ADCY8: variants seen among roughly 807,000 people sequenced by gnomAD.
ADCY8 encodes adenylate cyclase type 8.
A neutral mutation model predicts 119.7 loss-of-function variants in ADCY8; 51 were observed. That is an observed-to-expected ratio of 0.43 (90% CI 0.34 to 0.54). ADCY8 has a LOEUF of 0.54. Among genes scored for constraint, ADCY8 ranks in the 20% least tolerant of loss-of-function variants. The pLI is 0.03. For missense variants in ADCY8, 1,383 were observed against 1,598.8 expected, an observed-to-expected ratio of 0.87 and a Z score of 2.30; for synonymous variants, 665 against 651.0, an observed-to-expected ratio of 1.02 and a Z score of -0.33.
Position 130,847,356 on chromosome 8 carries a change from G to A in ADCY8, c.2502+68C>T, listed in dbSNP as rs572567016. 1,379 of 1,209,050 alleles carry A rather than the reference G, an allele frequency of 1.1e-3. 17 individuals carry two copies. The South Asian group carries it at 0.017, about 15-fold the overall frequency. 74.9% of individuals were successfully genotyped at this position (1,209,050 alleles called of 1,614,324 possible). A position where few individuals can be genotyped will look rare whatever the true frequency, so the allele number is the denominator to read the frequency against. On this transcript the variant is annotated intron_variant, in intron 11 of 17. Transcript: ENST00000286355. Reference sequence around the variant, plus strand: ...TTTCTATGGCCCTTCAGCCAGTCTTGTTTATTTGGAGCTGGTAGAGATATA... The same window carrying A: ...TTTCTATGGCCCTTCAGCCAGTCTTATTTATTTGGAGCTGGTAGAGATATA...
intron 13 of ADCY8, among the ~76,000 whole-genome samples, chr8:130,814,857 G>T (rs1422487771): frequency 6.6e-6 from 1 of 152,162 alleles, no homozygotes; most frequent in African/African-American, 2.4e-5. Context: ...TGAGATTTGG[G>T]TGGGAACACA....
At chr8:130,871,868 G>A (rs958562015) in intron 8 of ADCY8, among the ~76,000 whole-genome samples, 3 of 152,082 alleles carry the variant, frequency 2.0e-5, no homozygotes, top group African/African-American at 7.2e-5. Flanking sequence ...GGATCCTTAG[G>A]AAAAGTGTTC....
At position 131,039,854 on chromosome 8, in the gene ADCY8, G is replaced by A. The variant is rs1223490380; in HGVS notation, c.480C>T (p.Ser160=). ...GGCGTTCCAAATCCCGAGATTTGAAGGAGTTGCGCAGGGTGGGGAAAATGA... is the reference window on the plus strand; with the variant it reads ...GGCGTTCCAAATCCCGAGATTTGAAAGAGTTGCGCAGGGTGGGGAAAATGA... The part of the protein sequence containing the change: ...RGVIFPTLRN[S]FKSRDLERLY... The change falls in exon 1 of 18, where the codon TCC becomes TCT. Residue 160 remains serine (S), a synonymous_variant. Coordinates refer to ENST00000286355, the MANE Select transcript of ADCY8 (RefSeq NM_001115.3). 2.5e-6 allele frequency: 4 copies of A among 1,614,048 alleles called. No homozygotes were observed. The highest frequency in any genetic ancestry group is 2.7e-5 in the African/African-American group (2 of 74,938).
Position 130,919,771 on chromosome 8 carries a change from G to C in ADCY8, c.1482-9905C>G, listed in dbSNP as rs553506495. 3.3e-5 allele frequency among the ~76,000 whole-genome samples: 5 copies of C among 152,212 alleles called. No homozygotes were observed. In the East Asian group the frequency reaches 9.7e-4, roughly 29 times the overall value. The stretch of plus-strand genomic sequence containing the variant: ...AGACCACTGCAATTCACTTCCCTCT[G>C]TATGGAACAGAGAGGGACACCACAG... On this transcript the variant is annotated intron_variant, in intron 5 of 17. Coordinates refer to ENST00000286355, the MANE Select transcript of ADCY8 (RefSeq NM_001115.3).
intron 3 of ADCY8, among the ~76,000 whole-genome samples, chr8:130,950,348 G>C (rs796438539): frequency 2.6e-5 from 4 of 152,238 alleles, no homozygotes; most frequent in African/African-American, 9.6e-5. Context: ...ATGCAAAGAA[G>C]CAGCAGGAGC....
chr8:131,036,105 CAG>C (rs1436497072), intron 1 of ADCY8, among the ~76,000 whole-genome samples: 5 of 152,152 alleles, frequency 3.3e-5, no homozygotes, highest in African/African-American at 1.2e-4. Context: ...TAATTGGCAT[CAG>C]AGTCAGGGTT....
intron 9 of ADCY8, among the ~76,000 whole-genome samples, chr8:130,856,508 A>G (rs1053679300): frequency 9.2e-5 from 14 of 152,124 alleles, no homozygotes; most frequent in Admixed American, 7.2e-4. Flanking sequence ...GAATCCTGCC[A>G]GGCCCCACCA....
intron 9 of ADCY8, among the ~76,000 whole-genome samples, chr8:130,859,777 T>A (rs1817866033): frequency 6.6e-6 from 1 of 152,234 alleles, no homozygotes; most frequent in South Asian, 2.1e-4. Flanking sequence ...CTAAAAAATA[T>A]GCTGGACTTC....
intron 9 of ADCY8, among the ~76,000 whole-genome samples, chr8:130,857,182 G>A (rs1353602181): frequency 2.0e-5 from 3 of 151,150 alleles, no homozygotes; most frequent in Non-Finnish European, 4.4e-5. Context: ...CATGGCACAT[G>A]TATACACATG....
intron 7 of ADCY8, among the ~76,000 whole-genome samples, chr8:130,890,298 T>C (rs557885400): frequency 2.0e-5 from 3 of 152,064 alleles, no homozygotes; most frequent in Non-Finnish European, 2.9e-5. Context: ...CATGTATACA[T>C]ATGTAACTAA....
At chr8:130,989,031 C>T (rs1477309094) in intron 2 of ADCY8, among the ~76,000 whole-genome samples, 1 of 152,170 alleles carries the variant, frequency 6.6e-6, no homozygotes, top group Non-Finnish European at 1.5e-5. Context: ...ATCTGTTTTG[C>T]ACACGAACAT....
At chr8:130,835,473 C>A (rs755169853) in intron 12 of ADCY8, among the ~76,000 whole-genome samples, 1 of 152,222 alleles carries the variant, frequency 6.6e-6, no homozygotes, top group African/African-American at 2.4e-5. Context: ...TGGTAGCTTG[C>A]ATTCGCCTCT....
chr8:130,828,590 A>G (rs539655738), intron 12 of ADCY8, among the ~76,000 whole-genome samples: 12 of 152,142 alleles, frequency 7.9e-5, no homozygotes, highest in Non-Finnish European at 1.5e-4. Flanking sequence ...CTTTTTCTGA[A>G]ACACCCTAGC....
chr8:131,037,156 C>G (rs1214852885), intron 1 of ADCY8, among the ~76,000 whole-genome samples: 1 of 152,098 alleles, frequency 6.6e-6, no homozygotes, highest in Non-Finnish European at 1.5e-5. Context: ...TCTGGTTGTT[C>G]TTTTAGAGTT....
intron 7 of ADCY8, among the ~76,000 whole-genome samples, chr8:130,901,587 C>T (rs1819605261): frequency 6.6e-6 from 1 of 152,166 alleles, no homozygotes; most frequent in African/African-American, 2.4e-5. Context: ...TGATCTCTTC[C>T]AGGGACAAAT....
intron 11 of ADCY8, among the ~76,000 whole-genome samples, chr8:130,844,601 T>C (rs1354285577): frequency 6.6e-6 from 1 of 152,174 alleles, no homozygotes; most frequent in Non-Finnish European, 1.5e-5. Context: ...GATTAACTCT[T>C]TCAGAAGGTC....
chr8:131,015,918 T>G (rs1315899157), intron 1 of ADCY8, among the ~76,000 whole-genome samples: 8 of 152,138 alleles, frequency 5.3e-5, no homozygotes, highest in Non-Finnish European at 1.2e-4. Context: ...GAAGCCTGTG[T>G]CTACCTAAGA....
chr8:130,902,795 C>T (rs935252408), intron 7 of ADCY8, among the ~76,000 whole-genome samples: 3 of 151,968 alleles, frequency 2.0e-5, no homozygotes, highest in Non-Finnish European at 2.9e-5. Flanking sequence ...CTTCATGGTA[C>T]TCTCAGCTTC....
At chr8:130,895,591 C>A (rs57343527) in intron 7 of ADCY8, among the ~76,000 whole-genome samples, 1 of 152,078 alleles carries the variant, frequency 6.6e-6, no homozygotes, top group African/African-American at 2.4e-5. Context: ...ATGATTCTCC[C>A]TGGCTGAACT....
Sources: gnomAD v4.1 joint callset for allele counts (sites outside exome capture counted in the v4.1 genomes callset) on GRCh38, gnomAD v4.1.1 for gene constraint, MANE v1.5 for transcripts, NCBI Gene and HGNC (gene_info 2026-07-23, HGNC 2026-07-21) for gene names.